LRRC4C: variants seen among roughly 807,000 people sequenced by gnomAD.
LRRC4C encodes the protein leucine rich repeat containing 4C.
LRRC4C carries 5 observed loss-of-function variants against 33.6 expected under a neutral mutation model. The observed-to-expected ratio is 0.15, with a 90% CI of 0.08 to 0.31. The LOEUF (loss-of-function observed/expected upper bound fraction) is 0.31. Among genes scored for constraint, LRRC4C ranks in the 10% least tolerant of loss-of-function variants. LRRC4C has a pLI of 1.00. For missense variants in LRRC4C, 560 were observed against 796.7 expected, an observed-to-expected ratio of 0.70 and a Z score of 3.58; for synonymous variants, 329 against 302.0, an observed-to-expected ratio of 1.09 and a Z score of -0.93.
chr11:41,311,194 T>C (rs992124979), intron 1 of LRRC4C, among the ~76,000 whole-genome samples: 9 of 152,186 alleles, frequency 5.9e-5, no homozygotes, highest in African/African-American at 2.2e-4. Flanking sequence ...GAACCACATT[T>C]TTTTTTATAT....
At chr11:40,275,327 G>A (rs1301663185) in intron 4 of LRRC4C, among the ~76,000 whole-genome samples, 1 of 152,104 alleles carries the variant, frequency 6.6e-6, no homozygotes, top group African/African-American at 2.4e-5. Flanking sequence ...AACATTAAAT[G>A]TAACAATTTC....
intron 1 of LRRC4C, among the ~76,000 whole-genome samples, chr11:41,208,883 G>A (rs1250590036): frequency 6.6e-6 from 1 of 152,168 alleles, no homozygotes; most frequent in Non-Finnish European, 1.5e-5. Flanking sequence ...GGTCCTGGGG[G>A]TAGGGCACCC....
intron 1 of LRRC4C, among the ~76,000 whole-genome samples, chr11:41,042,999 TG>T (rs56867013): frequency 0.5 from 69,319 of 137,720 alleles, 17,747 homozygotes; most frequent in East Asian, 0.63. Flanking sequence ...CCACCTGTTT[TG>T]TTTTTTTTTT....
chr11:40,639,834 C>T (rs1942000616), intron 3 of LRRC4C, among the ~76,000 whole-genome samples: 1 of 151,998 alleles, frequency 6.6e-6, no homozygotes, highest in Admixed American at 6.6e-5. Flanking sequence ...TATTTGTCAC[C>T]GGATAAGAAA....
At chr11:40,817,702 C>T (rs557243003) in intron 2 of LRRC4C, among the ~76,000 whole-genome samples, 61 of 152,234 alleles carry the variant, frequency 4.0e-4, no homozygotes, top group African/African-American at 1.5e-3. Flanking sequence ...TTATCTCTTC[C>T]TTACATTAAA....
chr11:41,438,179 A>C (rs1454588087), intron 1 of LRRC4C, among the ~76,000 whole-genome samples: 2 of 152,156 alleles, frequency 1.3e-5, no homozygotes, highest in East Asian at 3.9e-4. Flanking sequence ...TGCAAATAAC[A>C]TGTGGCAGAC....
At chr11:40,646,099 T>C (rs1238647670) in intron 3 of LRRC4C, among the ~76,000 whole-genome samples, 2 of 151,938 alleles carry the variant, frequency 1.3e-5, no homozygotes, top group African/African-American at 4.8e-5. Context: ...TTCTGCCTAT[T>C]GAAATAAATG....
chr11:41,199,560 T>C (rs1590914348), intron 1 of LRRC4C, among the ~76,000 whole-genome samples: 1 of 152,166 alleles, frequency 6.6e-6, no homozygotes, highest in East Asian at 1.9e-4. Context: ...TTATTTCATA[T>C]AGAGTGTAGA....
At chr11:41,272,001 A>G (rs764746123) in intron 1 of LRRC4C, among the ~76,000 whole-genome samples, 18 of 152,108 alleles carry the variant, frequency 1.2e-4, no homozygotes, top group Non-Finnish European at 2.1e-4. Flanking sequence ...TGGCTTTCCT[A>G]AAGTCACATA....
chr11:40,128,798 G>C (rs1268234949), intron 6 of LRRC4C, among the ~76,000 whole-genome samples: 1 of 151,936 alleles, frequency 6.6e-6, no homozygotes, highest in Non-Finnish European at 1.5e-5. Context: ...TTTGATTTTT[G>C]CGTGGTTGGT....
In LRRC4C at chr11:40,989,849, C is replaced by T. The variant is rs552445341; in HGVS notation, c.-495-56126G>A. On this transcript the variant is annotated intron_variant, in intron 1 of 6. Coordinates refer to ENST00000528697, the MANE Select transcript of LRRC4C (RefSeq NM_001258419.2). ...CCTTCCCATCCACAGATTAAACCAA[C>T]TGCAGTTTAAAAATATTCAGAAAAA... 8.4e-4 allele frequency among the ~76,000 whole-genome samples: 128 copies of T among 151,926 alleles called. 2 individuals carry two copies. The South Asian group carries it at 0.026, about 31-fold the overall frequency.
Position 40,452,215 on chromosome 11 carries a change from A to G in LRRC4C, c.-269-132494T>C, listed in dbSNP as rs113103561. ...TAAACTAAAGAGCTTCTGCACAGCAAAAGAAACTACCATCAGAGTGAACAG... is the reference window on the plus strand; with the variant it reads ...TAAACTAAAGAGCTTCTGCACAGCAGAAGAAACTACCATCAGAGTGAACAG... On this transcript the variant is annotated intron_variant, in intron 3 of 6. Coordinates refer to ENST00000528697, the MANE Select transcript of LRRC4C (RefSeq NM_001258419.2). 9.7e-3 allele frequency among the ~76,000 whole-genome samples: 1,479 copies of G among 152,326 alleles called. 12 individuals carry two copies. Among genetic ancestry groups the G allele is most frequent in the African/African-American group, 0.02 (829 of 41,574 alleles).
intron 1 of LRRC4C, among the ~76,000 whole-genome samples, chr11:41,304,107 G>T (rs1366717805): frequency 1.4e-5 from 1 of 72,058 alleles, no homozygotes; most frequent in African/African-American, 3.5e-5. Flanking sequence ...GCCTCTGCCC[G>T]GCCGCCCCTA....
chr11:40,578,140 GGTTTTTTTTTTTTTT>G lies in LRRC4C; in HGVS notation c.-270+69987_-270+70001del, dbSNP rs1387024601. On this transcript the variant is annotated intron_variant, in intron 3 of 6. Coordinates refer to ENST00000528697, the MANE Select transcript of LRRC4C (RefSeq NM_001258419.2). ...TGATATTATTGGACTTTTTTTTTTC[GGTTTTTTTTTTTTTT>G]TTTTTTTTTTTTTTTGCCTCTTAAC... Among the ~76,000 whole-genome samples the G allele has an allele frequency of 1.4e-3, 56 of 40,570 alleles. 5 individuals carry two copies. Among genetic ancestry groups the G allele is most frequent in the African/African-American group, 4.9e-3 (35 of 7,096 alleles). 26.6% of individuals were successfully genotyped at this position (40,570 alleles called of 152,430 possible).
At chr11:40,586,815 T>C (rs1054150192) in intron 3 of LRRC4C, among the ~76,000 whole-genome samples, 24 of 152,132 alleles carry the variant, frequency 1.6e-4, no homozygotes, top group Admixed American at 1.5e-3. Context: ...GAGGGCTCTG[T>C]TCTGTTCCAT....
At chr11:40,841,032 G>A (rs1952890252) in intron 2 of LRRC4C, among the ~76,000 whole-genome samples, 1 of 152,160 alleles carries the variant, frequency 6.6e-6, no homozygotes. Context: ...TGGAAGTTGT[G>A]TGAATTTAGA....
chr11:40,591,252 C>T (rs922298873), intron 3 of LRRC4C, among the ~76,000 whole-genome samples: 1 of 152,158 alleles, frequency 6.6e-6, no homozygotes, highest in Non-Finnish European at 1.5e-5. Context: ...CAGGTGCCAT[C>T]CGTCACCCCT....
intron 5 of LRRC4C, among the ~76,000 whole-genome samples, chr11:40,214,153 G>A (rs1474904235): frequency 6.6e-6 from 1 of 152,090 alleles, no homozygotes; most frequent in African/African-American, 2.4e-5. Flanking sequence ...CCGCAGTTCT[G>A]GGAAGGCCTT....
chr11:41,161,503 C>A (rs1422393590), intron 1 of LRRC4C, among the ~76,000 whole-genome samples: 1 of 152,084 alleles, frequency 6.6e-6, no homozygotes, highest in Non-Finnish European at 1.5e-5. Context: ...TATTAAGTAC[C>A]TTTTCCATCT....
Sources: gnomAD v4.1 joint callset for allele counts (sites outside exome capture counted in the v4.1 genomes callset) on GRCh38, gnomAD v4.1.1 for gene constraint, MANE v1.5 for transcripts, NCBI Gene and HGNC (gene_info 2026-07-23, HGNC 2026-07-21) for gene names.